Variants in OR1J2 observed in about 807,000 individuals in gnomAD.
The protein encoded by OR1J2 is olfactory receptor family 1 subfamily J member 2.
For missense variants in OR1J2, 304 were observed against 246.1 expected (o/e 1.24, Z -1.57); for synonymous variants, 142 against 99.7 (o/e 1.42, Z -2.52).
chr9:122,555,892 T>C, the OR1J2 span, among the ~76,000 whole-genome samples: 87,025 of 152,096 alleles, frequency 0.57, 25,415 homozygotes, highest in East Asian at 0.97. Flanking sequence ...ACCCAAAGTC[T>C]ATAGTTTACA....
At chr9:122,562,880 C>T in the OR1J2 span, among the ~76,000 whole-genome samples, 64 of 152,208 alleles carry the variant, frequency 4.2e-4, 2 homozygotes, top group South Asian at 0.013. Flanking sequence ...CATGGTGTTC[C>T]ATTGTGCACA....
chr9:122,575,759 C>A, the OR1J2 span, among the ~76,000 whole-genome samples: 4 of 152,234 alleles, frequency 2.6e-5, no homozygotes, highest in East Asian at 7.7e-4. Flanking sequence ...TTTGTGATAA[C>A]AGCAACTAAA....
the OR1J2 span, among the ~76,000 whole-genome samples, chr9:122,563,184 ATT>A: frequency 1.3e-4 from 19 of 149,442 alleles, no homozygotes; most frequent in East Asian, 3.9e-4. Context: ...AGCATTTGTT[ATT>A]TTTTTTTTTG....
chr9:122,465,138 G>C, the OR1J2 span, among the ~76,000 whole-genome samples: 1 of 152,128 alleles, frequency 6.6e-6, no homozygotes, highest in African/African-American at 2.4e-5. Context: ...AAAATCTCTT[G>C]TCAGGATAAA....
At chr9:122,454,280 G>A in the OR1J2 span, among the ~76,000 whole-genome samples, 26,745 of 152,152 alleles carry the variant, frequency 0.18, 2,750 homozygotes, top group African/African-American at 0.27. Context: ...CACTTTGGGA[G>A]GCCGAGGTGG....
At chr9:122,501,639 T>G in the OR1J2 span, among the ~76,000 whole-genome samples, 1 of 152,162 alleles carries the variant, frequency 6.6e-6, no homozygotes, top group Non-Finnish European at 1.5e-5. Context: ...TTTTTAGACT[T>G]TAGTGTTGGG....
the OR1J2 span, among the ~76,000 whole-genome samples, chr9:122,465,426 C>A: frequency 6.6e-6 from 1 of 152,138 alleles, no homozygotes; most frequent in African/African-American, 2.4e-5. Flanking sequence ...AATTATAATC[C>A]TCCTGGGACC....
chr9:122,561,689 C>G, the OR1J2 span, among the ~76,000 whole-genome samples: 10 of 152,242 alleles, frequency 6.6e-5, no homozygotes, highest in Non-Finnish European at 1.5e-4. Context: ...AGCTGGAGAA[C>G]AGTAAAGATG....
chr9:122,565,864 C>T, the OR1J2 span, among the ~76,000 whole-genome samples: 1 of 152,082 alleles, frequency 6.6e-6, no homozygotes, highest in African/African-American at 2.4e-5. Flanking sequence ...CATGTTGACA[C>T]CCATGAGAAT....
chr9:122,544,986 C>T, the OR1J2 span, among the ~76,000 whole-genome samples: 4 of 152,044 alleles, frequency 2.6e-5, no homozygotes, highest in African/African-American at 9.7e-5. Flanking sequence ...CAATAAATTT[C>T]CCTCTAAGCA....
At chr9:122,515,352 T>TTGTG (rs10651846), downstream of OR1J2, among the ~76,000 whole-genome samples, 6,332 of 135,710 alleles carry the variant, frequency 0.047, 165 homozygotes, top group African/African-American at 0.061. Flanking sequence ...CAGGAGCAGG[T>TTGTG]TGTGTGTGTG....
chr9:122,476,810 A>G, the OR1J2 span: 1 of 567,360 alleles, frequency 1.8e-6, no homozygotes, highest in Non-Finnish European at 3.1e-6. Context: ...GGTTCAAGTG[A>G]TTCTTCTGCC....
At chr9:122,523,882 AC>A in the OR1J2 span, among the ~76,000 whole-genome samples, 1 of 152,146 alleles carries the variant, frequency 6.6e-6, no homozygotes, top group Admixed American at 6.5e-5. Flanking sequence ...TCTCTCCATT[AC>A]CCCACCTCTG....
the OR1J2 span, among the ~76,000 whole-genome samples, chr9:122,569,464 T>C: frequency 3.6e-4 from 28 of 77,226 alleles, no homozygotes; most frequent in Non-Finnish European, 6.3e-4. Context: ...TGAGAATTTT[T>C]GTATCAGCAA....
the OR1J2 span, chr9:122,576,812 C>T: frequency 6.6e-6 from 1 of 152,234 alleles, no homozygotes; most frequent in Non-Finnish European, 1.5e-5. Context: ...GTTTCTGCTC[C>T]AGTAAGCTGT....
At chr9:122,553,795 C>T in the OR1J2 span, 1 of 1,614,070 alleles carries the variant, frequency 6.2e-7, no homozygotes, top group African/African-American at 1.3e-5. Context: ...TGCTCAGATA[C>T]CCATGTAAAC....
At chr9:122,563,569 T>G in the OR1J2 span, among the ~76,000 whole-genome samples, 1 of 152,256 alleles carries the variant, frequency 6.6e-6, no homozygotes, top group Non-Finnish European at 1.5e-5. Context: ...GGTTGTCTCT[T>G]TGCTCTGTTG....
the OR1J2 span, among the ~76,000 whole-genome samples, chr9:122,558,522 T>G: frequency 6.6e-6 from 1 of 151,748 alleles, no homozygotes; most frequent in African/African-American, 2.4e-5. Flanking sequence ...TCATACTTTC[T>G]GCAGTTAGAA....
the OR1J2 span, among the ~76,000 whole-genome samples, chr9:122,575,738 A>G: frequency 6.6e-6 from 1 of 152,322 alleles, no homozygotes; most frequent in South Asian, 2.1e-4. Context: ...CTATAATCTC[A>G]CAGTTACTTT....
Sources: gnomAD v4.1 joint callset for allele counts (sites outside exome capture counted in the v4.1 genomes callset) on GRCh38, gnomAD v4.1.1 for gene constraint, MANE v1.5 for transcripts, NCBI Gene and HGNC (gene_info 2026-07-23, HGNC 2026-07-21) for gene names.